SNX29: variants seen among roughly 807,000 people sequenced by gnomAD.
SNX29 encodes the protein sorting nexin-29.
In SNX29, 78 loss-of-function variants were observed where a neutral mutation model predicts 102.1. That is an observed-to-expected ratio of 0.76 (90% confidence interval 0.64 to 0.92). The LOEUF is 0.92. Among genes scored for constraint, SNX29 ranks in the 40% least tolerant of loss-of-function variants. The pLI, the probability that SNX29 is intolerant of heterozygous loss-of-function variation, is 0.00. For synonymous variants in SNX29, 580 were observed against 414.5 expected (o/e 1.40, Z -4.85); for missense variants, 1,280 against 1,061.7 (o/e 1.21, Z -2.86).
intron 14 of SNX29, among the ~76,000 whole-genome samples, chr16:12,234,907 C>G (rs1006741261): frequency 6.6e-6 from 1 of 152,158 alleles, no homozygotes; most frequent in Non-Finnish European, 1.5e-5. Context: ...CTACCTTACA[C>G]GTGGCTCTCA....
At chr16:12,047,434 A>G (rs1182543219) in intron 6 of SNX29, among the ~76,000 whole-genome samples, 1 of 152,174 alleles carries the variant, frequency 6.6e-6, no homozygotes, top group Non-Finnish European at 1.5e-5. Context: ...GAATTTGACC[A>G]TAATTTCCTT....
rs554787009 is a variant in SNX29 at position 12,052,162 on chromosome 16, A to C, written c.1064A>C (p.Asp355Ala). 7 of 1,613,952 alleles carry C rather than the reference A, an allele frequency of 4.3e-6. No individual in the cohort carries two copies. The South Asian group carries it at 4.4e-5, about 10-fold the overall frequency. ...GATGAAGATGTGGATGAAAACGAAGATGACGTGTATGGAAACTCATCAGGA... is the reference window on the plus strand; with the variant it reads ...GATGAAGATGTGGATGAAAACGAAGCTGACGTGTATGGAAACTCATCAGGA... ...IDDEDVDENE[D>A]DVYGNSSGRK... Residue 355 changes from aspartate to alanine, a missense_variant, in exon 8 of 21, where the codon GAT becomes GCT. Coordinates refer to ENST00000566228, the MANE Select transcript of SNX29 (RefSeq NM_032167.5).
intron 13 of SNX29, among the ~76,000 whole-genome samples, chr16:12,196,946 A>C (rs913999424): frequency 2.6e-5 from 4 of 152,124 alleles, no homozygotes; most frequent in African/African-American, 7.2e-5. Flanking sequence ...GTGGAATCTT[A>C]ACACAGTATT....
intron 4 of SNX29, among the ~76,000 whole-genome samples, chr16:12,030,515 A>T (rs373587624): frequency 6.6e-6 from 1 of 152,058 alleles, no homozygotes; most frequent in Non-Finnish European, 1.5e-5. Flanking sequence ...CACAAAGAGC[A>T]TTGTTTTCTG....
intron 10 of SNX29, among the ~76,000 whole-genome samples, chr16:12,076,351 A>C (rs1317167983): frequency 5.5e-5 from 8 of 144,196 alleles, no homozygotes; most frequent in Admixed American, 2.1e-4. Context: ...CCCAGGCTGG[A>C]GTGCAGTGGC....
chr16:11,994,213 G>C (rs549898805), intron 1 of SNX29, among the ~76,000 whole-genome samples: 14 of 152,224 alleles, frequency 9.2e-5, no homozygotes, highest in Non-Finnish European at 1.5e-4. Flanking sequence ...GAGTTAGGGA[G>C]TGTCAGCTGA....
chr16:12,481,457 TATATATATACACATATATACACAC>T (rs2087912797), intron 19 of SNX29, among the ~76,000 whole-genome samples: 1 of 130,922 alleles, frequency 7.6e-6, no homozygotes, highest in Non-Finnish European at 1.7e-5. Context: ...CATATATACA[TATATATATACACATATATACACAC>T]ATATATATAC....
chr16:12,163,466 G>A (rs940523604), intron 13 of SNX29, among the ~76,000 whole-genome samples: 1 of 152,178 alleles, frequency 6.6e-6, no homozygotes, highest in Admixed American at 6.5e-5. Context: ...CCAGACCAGA[G>A]GCCTGCACAC....
At chr16:12,490,941 A>G (rs1300990982) in intron 19 of SNX29, among the ~76,000 whole-genome samples, 4 of 152,260 alleles carry the variant, frequency 2.6e-5, no homozygotes, top group Non-Finnish European at 5.9e-5. Flanking sequence ...ACTCTGCGGA[A>G]TCATTCTGTG....
intron 20 of SNX29, among the ~76,000 whole-genome samples, chr16:12,567,652 C>G (rs985268398): frequency 2.0e-5 from 3 of 152,128 alleles, no homozygotes; most frequent in Non-Finnish European, 4.4e-5. Context: ...GTCCCAGCTG[C>G]TCAGGAGGCT....
Position 12,061,711 on chromosome 16 carries a change from G to T in SNX29, c.1243+65G>T, listed in dbSNP as rs2050783173. On this transcript the variant is annotated intron_variant, in intron 9 of 20. Coordinates refer to ENST00000566228, the MANE Select transcript of SNX29 (RefSeq NM_032167.5). The stretch of plus-strand genomic sequence containing the variant: ...TTTGGCTTCGAGAACCAGCAGGAAT[G>T]TCTGAGTTCCCTGGACAGGTAGGAA... 2.8e-6 allele frequency: 4 copies of T among 1,417,450 alleles called. No homozygotes were observed. In the South Asian group the frequency reaches 3.7e-5, roughly 13 times the overall value. 87.8% of individuals were successfully genotyped at this position (1,417,450 alleles called of 1,614,324 possible). A position where few individuals can be genotyped will look rare whatever the true frequency, so the allele number is the denominator to read the frequency against.
At chr16:12,272,909 C>G (rs754909832) in intron 14 of SNX29, among the ~76,000 whole-genome samples, 1 of 152,204 alleles carries the variant, frequency 6.6e-6, no homozygotes, top group African/African-American at 2.4e-5. Flanking sequence ...TCTTTGACTG[C>G]TCCACCTCCA....
chr16:11,981,663 G>C (rs574348467), intron 1 of SNX29, among the ~76,000 whole-genome samples: 1 of 152,194 alleles, frequency 6.6e-6, no homozygotes, highest in East Asian at 1.9e-4. Flanking sequence ...AGAGTCAGAG[G>C]AGAGATGGGT....
chr16:12,138,709 G>T (rs1567241125), intron 13 of SNX29, among the ~76,000 whole-genome samples: 1 of 152,088 alleles, frequency 6.6e-6, no homozygotes, highest in African/African-American at 2.4e-5. Context: ...GGAAGCCTGT[G>T]TTTATGGATG....
chr16:12,565,068 C>A (rs932946464), intron 20 of SNX29, among the ~76,000 whole-genome samples: 4 of 152,098 alleles, frequency 2.6e-5, no homozygotes, highest in African/African-American at 7.2e-5. Context: ...AGCAAAGGGG[C>A]CCAGTGGGGA....
intron 14 of SNX29, among the ~76,000 whole-genome samples, chr16:12,276,046 C>T (rs545724948): frequency 2.6e-5 from 4 of 152,120 alleles, no homozygotes; most frequent in African/African-American, 9.6e-5. Flanking sequence ...GAGCATGCCA[C>T]CATGTCCAGC....
intron 11 of SNX29, among the ~76,000 whole-genome samples, chr16:12,105,829 G>C (rs1437552105): frequency 6.6e-6 from 1 of 152,168 alleles, no homozygotes; most frequent in Non-Finnish European, 1.5e-5. Flanking sequence ...GAAGAGATCT[G>C]CAAAGCTCTT....
intron 3 of SNX29, among the ~76,000 whole-genome samples, chr16:12,009,343 C>T (rs547261553): frequency 6.6e-4 from 101 of 151,918 alleles, no homozygotes; most frequent in African/African-American, 2.2e-3. Flanking sequence ...TGCCAAAATA[C>T]AAAATCCAAG....
chr16:12,231,527 C>CT (rs1341052519), intron 14 of SNX29, among the ~76,000 whole-genome samples: 5 of 137,032 alleles, frequency 3.6e-5, no homozygotes, highest in African/African-American at 1.3e-4. Context: ...ATTGTTGGGC[C>CT]TTTTTAAAAA....
Sources: allele counts gnomAD v4.1 joint callset (sites outside exome capture counted in the v4.1 genomes callset), GRCh38; gene constraint gnomAD v4.1.1; transcripts MANE v1.5; gene names NCBI Gene and HGNC (gene_info 2026-07-23, HGNC 2026-07-21).